Variants in LRRC7 observed in about 807,000 individuals in gnomAD.
LRRC7 encodes the protein leucine-rich repeat-containing protein 7.
Under a neutral mutation model 175.7 loss-of-function variants are expected in LRRC7, and 23 were observed. The observed-to-expected ratio is 0.13, with a 90% CI of 0.09 to 0.19. The LOEUF is 0.19. Among genes scored for constraint, LRRC7 ranks in the 10% least tolerant of loss-of-function variants. LRRC7 has a pLI of 1.00. For missense variants in LRRC7, 1,354 were observed against 1,904.7 expected (o/e 0.71, Z 5.38); for synonymous variants, 685 against 680.9 (o/e 1.01, Z -0.09).
chr1:69,939,047 C>A (rs3069188), intron 8 of LRRC7, among the ~76,000 whole-genome samples: 7,170 of 54,656 alleles, frequency 0.13, 617 homozygotes, highest in East Asian at 0.34. Context: ...ATATCTATAT[C>A]TATCTCACAG....
intron 1 of LRRC7, among the ~76,000 whole-genome samples, chr1:69,578,510 C>T (rs568081742): frequency 1.0e-4 from 15 of 146,932 alleles, no homozygotes; most frequent in African/African-American, 2.8e-4. Context: ...TATTGCGGCA[C>T]TATTCACAAT....
intron 8 of LRRC7, among the ~76,000 whole-genome samples, chr1:69,941,323 A>G (rs12066962): frequency 0.059 from 9,005 of 152,168 alleles, 542 homozygotes; most frequent in African/African-American, 0.15. Flanking sequence ...ACATCAAATT[A>G]TGTTACTTTA....
chr1:69,792,219 A>C, intron 4 of LRRC7, 59 bp downstream of exon 4: 1 of 935,910 alleles, frequency 1.1e-6, no homozygotes, highest in East Asian at 2.5e-5. Flanking sequence ...ATGTGCTTTA[A>C]TATCTTCTCT....
chr1:70,114,446 T>G (rs1244230652), intron 26 of LRRC7, among the ~76,000 whole-genome samples: 1 of 152,012 alleles, frequency 6.6e-6, no homozygotes, highest in Non-Finnish European at 1.5e-5. Flanking sequence ...GGAGGATTGC[T>G]TGAGGCAGAG....
At chr1:69,670,279 G>A (rs1478524739) in intron 1 of LRRC7, among the ~76,000 whole-genome samples, 1 of 152,210 alleles carries the variant, frequency 6.6e-6, no homozygotes, top group African/African-American at 2.4e-5. Flanking sequence ...AGCCGTATCT[G>A]CATTAGGGAG....
At position 70,127,639 on chromosome 1, in the gene LRRC7, G is replaced by A. The variant is rs1352554671; in HGVS notation, c.*5752G>A. On this transcript the variant is annotated 3_prime_UTR_variant, in exon 27 of 27. Coordinates refer to ENST00000651989, the MANE Select transcript of LRRC7 (RefSeq NM_001370785.2). ...AACAACACACTGAGCACTAAGCAAT[G>A]TAAGAAATGGGCCTGGATTAAGGCA... 1.3e-5 allele frequency among the ~76,000 whole-genome samples: 2 copies of A among 152,186 alleles called. No homozygotes were observed. The highest frequency in any genetic ancestry group is 4.8e-5 in the African/African-American group (2 of 41,462).
chr1:70,097,296 A>G (rs554149762), intron 25 of LRRC7, among the ~76,000 whole-genome samples: 3 of 152,198 alleles, frequency 2.0e-5, no homozygotes, highest in Non-Finnish European at 4.4e-5. Context: ...GAAATGTTCT[A>G]GCATATTCTG....
At chr1:69,588,363 A>C (rs1646486183) in intron 1 of LRRC7, among the ~76,000 whole-genome samples, 1 of 152,198 alleles carries the variant, frequency 6.6e-6, no homozygotes, top group Non-Finnish European at 1.5e-5. Context: ...TGAATAGCAA[A>C]AAAAGAATAA....
intron 7 of LRRC7, chr1:69,874,917 C>T (rs1325324100): frequency 1.3e-5 from 2 of 151,926 alleles, no homozygotes; most frequent in Admixed American, 6.6e-5. Context: ...TGCTAATTGA[C>T]TTCTGTCATT....
chr1:70,004,098 T>C (rs1655781259), intron 11 of LRRC7, among the ~76,000 whole-genome samples: 1 of 152,264 alleles, frequency 6.6e-6, no homozygotes, highest in Middle Eastern at 3.4e-3. Flanking sequence ...AAGTTTATTA[T>C]CTCTATGATA....
intron 3 of LRRC7, among the ~76,000 whole-genome samples, chr1:69,788,869 A>T (rs943466146): frequency 6.6e-6 from 1 of 152,242 alleles, no homozygotes; most frequent in Non-Finnish European, 1.5e-5. Flanking sequence ...AATAAAGCAC[A>T]TTAATGCCTG....
intron 7 of LRRC7, among the ~76,000 whole-genome samples, chr1:69,906,289 T>A (rs190478863): frequency 0.012 from 1,894 of 152,316 alleles, 33 homozygotes; most frequent in African/African-American, 0.043. Flanking sequence ...CAATTTTGGC[T>A]TTTGTTGCCA....
chr1:69,919,804 G>T, intron 7 of LRRC7: 1 of 807,204 alleles, frequency 1.2e-6, no homozygotes. Context: ...CAGTGTTCAC[G>T]GATTCCGGCA....
chr1:69,618,071 A>G (rs1481742903), intron 1 of LRRC7, among the ~76,000 whole-genome samples: 1 of 152,100 alleles, frequency 6.6e-6, no homozygotes, highest in Non-Finnish European at 1.5e-5. Flanking sequence ...GTGGTGGTTT[A>G]AGGGAGTGGT....
rs78677804 is a variant in LRRC7, at chr1:69,679,178, C to T, written c.100+700C>T. Among the ~76,000 whole-genome samples, 8 of 152,024 alleles carry T rather than the reference C, an allele frequency of 5.3e-5. No homozygotes were observed. In the South Asian group the frequency reaches 1.7e-3, roughly 32 times the overall value. On this transcript the variant is annotated intron_variant, in intron 2 of 26. Transcript: ENST00000651989. Reference sequence around the variant, plus strand: ...CACATTTTAAGTTTATAAAATGATCCATAATACCAAGTTTCCTCATGGTAT... The same window carrying T: ...CACATTTTAAGTTTATAAAATGATCTATAATACCAAGTTTCCTCATGGTAT...
intron 7 of LRRC7, among the ~76,000 whole-genome samples, chr1:69,907,769 G>A (rs868823917): frequency 4.6e-5 from 7 of 152,236 alleles, no homozygotes; most frequent in East Asian, 1.9e-4. Context: ...GATGATGCTG[G>A]CCTCATAAAA....
intron 2 of LRRC7, among the ~76,000 whole-genome samples, chr1:69,730,695 C>G (rs1185735187): frequency 3.9e-5 from 6 of 152,180 alleles, no homozygotes; most frequent in Admixed American, 1.3e-4. Flanking sequence ...CTATCTTCTT[C>G]TGAACGCTTC....
intron 3 of LRRC7, among the ~76,000 whole-genome samples, chr1:69,767,266 A>T (rs947714137): frequency 2.0e-5 from 3 of 152,088 alleles, no homozygotes; most frequent in Admixed American, 6.6e-5. Context: ...TCATTTTTTT[A>T]AAAAATAGAA....
At chr1:69,696,565 A>G (rs1024721653) in intron 2 of LRRC7, among the ~76,000 whole-genome samples, 4 of 152,108 alleles carry the variant, frequency 2.6e-5, no homozygotes, top group African/African-American at 9.7e-5. Context: ...GTGGAGGGAC[A>G]GGAGTGGAAT....
Sources: gnomAD v4.1 joint callset for allele counts (sites outside exome capture counted in the v4.1 genomes callset) on GRCh38, gnomAD v4.1.1 for gene constraint, MANE v1.5 for transcripts, NCBI Gene and HGNC (gene_info 2026-07-23, HGNC 2026-07-21) for gene names.